AGBL1: variants seen among roughly 807,000 people sequenced by gnomAD.
AGBL1 encodes cytosolic carboxypeptidase 4.
Under a neutral mutation model 118.9 loss-of-function variants are expected in AGBL1, and 130 were observed. The observed-to-expected ratio is 1.09, with a 90% CI of 0.95 to 1.26. AGBL1 has a LOEUF of 1.26. AGBL1 is among the 50% of genes most tolerant of loss of function. AGBL1 has a pLI of 0.00. For missense variants in AGBL1, 1,584 were observed against 1,298.1 expected, an observed-to-expected ratio of 1.22 and a Z score of -3.38; for synonymous variants, 555 against 478.9, an observed-to-expected ratio of 1.16 and a Z score of -2.08.
rs142838729 is a variant in AGBL1, at chr15:86,764,345, A to G, written c.3158+89909A>G. ...GTAGTGAAAGTTTAAAAACAATGAC[A>G]GTATAGAAGCATGCTGTTGTCAGAT... On this transcript the variant is annotated intron_variant, in intron 22 of 22. Transcript: ENST00000614907. 4.6e-5 allele frequency among the ~76,000 whole-genome samples: 7 copies of G among 152,124 alleles called. No homozygotes were observed. In the East Asian group the frequency reaches 1.4e-3, roughly 30 times the overall value.
At chr15:86,667,260 A>G (rs947684960) in intron 21 of AGBL1, among the ~76,000 whole-genome samples, 2 of 151,186 alleles carry the variant, frequency 1.3e-5, no homozygotes, top group Admixed American at 1.3e-4. Flanking sequence ...GTATGTATCT[A>G]TCTATCTATC....
intron 21 of AGBL1, among the ~76,000 whole-genome samples, chr15:86,638,879 C>A (rs1168563094): frequency 6.6e-6 from 1 of 152,118 alleles, no homozygotes; most frequent in Non-Finnish European, 1.5e-5. Context: ...TCACAGGCTA[C>A]CATCCATGTG....
rs1316011070 is a variant in AGBL1, at chr15:86,915,940, C to T, written c.*8646C>T. The T allele has an allele frequency of 2.0e-5, 3 of 152,186 alleles. No homozygotes were observed. Among genetic ancestry groups the T allele is most frequent in the African/African-American group, 4.8e-5 (2 of 41,432 alleles). 9.4% of individuals were successfully genotyped at this position (152,186 alleles called of 1,614,324 possible). On this transcript the variant is annotated 3_prime_UTR_variant, in exon 23 of 23. Transcript: ENST00000614907. ...GTCCAGGAGAAACCTCCCTCAGCCC[C>T]GTTTGCGGTGCCTCCTGGTCGGTAA...
intron 22 of AGBL1, among the ~76,000 whole-genome samples, chr15:86,717,493 C>T (rs923140535): frequency 1.3e-5 from 2 of 152,070 alleles, no homozygotes; most frequent in East Asian, 1.9e-4. Flanking sequence ...AAGATAAGCA[C>T]ATTTAGTTCT....
At chr15:86,250,641 T>A (rs2078800366) in intron 7 of AGBL1, among the ~76,000 whole-genome samples, 1 of 150,168 alleles carries the variant, frequency 6.7e-6, no homozygotes, top group African/African-American at 2.5e-5. Flanking sequence ...ATTCTCCTGG[T>A]TTTTGGAAAA....
intron 17 of AGBL1, among the ~76,000 whole-genome samples, chr15:86,311,268 A>C (rs950399509): frequency 2.6e-5 from 4 of 152,180 alleles, no homozygotes; most frequent in Admixed American, 6.5e-5. Context: ...TGTTCAGAAT[A>C]GTTAGTCTAT....
chr15:86,170,200 A>T (rs80355399), intron 5 of AGBL1, among the ~76,000 whole-genome samples: 3 of 152,256 alleles, frequency 2.0e-5, no homozygotes, highest in Admixed American at 2.0e-4. Flanking sequence ...ACCTCTGGAG[A>T]TGAAATCTAC....
chr15:86,652,234 T>C (rs1022501211), intron 21 of AGBL1, among the ~76,000 whole-genome samples: 2 of 152,120 alleles, frequency 1.3e-5, no homozygotes, highest in Admixed American at 1.3e-4. Context: ...CATGTTCTCT[T>C]TCAACTCAAG....
intron 23 of AGBL1, among the ~76,000 whole-genome samples, chr15:86,940,172 G>A (rs372325604): frequency 4.4e-4 from 63 of 142,038 alleles, no homozygotes; most frequent in African/African-American, 1.6e-3. Flanking sequence ...GCCTCTCAAA[G>A]TGCTTACAGA....
At position 86,301,641 on chromosome 15, in the gene AGBL1, GGTGTGTGTGTGTGTGTGTGT is replaced by G. The variant is rs60282415; in HGVS notation, c.2374+6267_2374+6286del. ...TCACTGAGGTACTCATAATCTACAG[GGTGTGTGTGTGTGTGTGTGT>G]GTGTGTGTGTGTGTGTGTGTGTGTG... On this transcript the variant is annotated intron_variant, in intron 17 of 22. Coordinates refer to ENST00000614907, the MANE Select transcript of AGBL1 (RefSeq NM_001386094.1). Among the ~76,000 whole-genome samples the G allele has an allele frequency of 2.5e-3, 339 of 137,326 alleles. 2 individuals are homozygous for G. The highest frequency in any genetic ancestry group is 6.2e-3 in the South Asian group (24 of 3,888). The allele number at this position is 137,326 out of a possible 152,430, so 90.1% of individuals were successfully genotyped here.
intron 21 of AGBL1, among the ~76,000 whole-genome samples, chr15:86,626,920 C>G (rs1365749798): frequency 1.3e-5 from 2 of 150,988 alleles, no homozygotes; most frequent in African/African-American, 4.9e-5. Context: ...TCACTGCAAC[C>G]TCTGCCTCCC....
chr15:86,549,468 A>C (rs908684175), intron 20 of AGBL1, among the ~76,000 whole-genome samples: 9 of 152,200 alleles, frequency 5.9e-5, no homozygotes, highest in Non-Finnish European at 1.0e-4. Context: ...ACATTGCAGA[A>C]GAAAAAAGAA....
intron 1 of AGBL1, among the ~76,000 whole-genome samples, chr15:86,095,443 A>C (rs766764502): frequency 6.6e-6 from 1 of 152,042 alleles, no homozygotes; most frequent in Non-Finnish European, 1.5e-5. Context: ...TCTCATTAGC[A>C]TACAAAAAGA....
chr15:86,858,454 C>A (rs1172108779), intron 22 of AGBL1, among the ~76,000 whole-genome samples: 1 of 134,940 alleles, frequency 7.4e-6, no homozygotes, highest in Non-Finnish European at 1.6e-5. Flanking sequence ...CAGTTCACAC[C>A]TTTCAGGTGG....
intron 23 of AGBL1, among the ~76,000 whole-genome samples, chr15:86,961,504 T>A (rs2080992422): frequency 6.6e-6 from 1 of 152,008 alleles, no homozygotes; most frequent in Non-Finnish European, 1.5e-5. Flanking sequence ...GACCTGGGGC[T>A]TCATTGAGGT....
chr15:86,106,348 T>C (rs1897051543), intron 1 of AGBL1, among the ~76,000 whole-genome samples: 1 of 152,214 alleles, frequency 6.6e-6, no homozygotes, highest in African/African-American at 2.4e-5. Flanking sequence ...CATGATATTC[T>C]GGGGGAGCAT....
At chr15:86,678,103 T>A (rs1012809201) in intron 22 of AGBL1, among the ~76,000 whole-genome samples, 1 of 152,198 alleles carries the variant, frequency 6.6e-6, no homozygotes, top group Non-Finnish European at 1.5e-5. Context: ...AACCTATGTA[T>A]CACCCCACAA....
At chr15:86,515,442 C>G (rs923623499) in intron 18 of AGBL1, among the ~76,000 whole-genome samples, 2 of 152,008 alleles carry the variant, frequency 1.3e-5, no homozygotes, top group African/African-American at 4.8e-5. Flanking sequence ...TTGTCTTTAT[C>G]AGGAGTGGGT....
chr15:86,725,419 T>G lies in AGBL1; in HGVS notation c.3158+50983T>G, dbSNP rs1394736187. Among the ~76,000 whole-genome samples the G allele has an allele frequency of 5.3e-5, 8 of 150,334 alleles. No homozygotes were observed. In the South Asian group the frequency reaches 6.2e-4, roughly 12 times the overall value. Reference sequence around the variant, plus strand: ...AAAGGGATGGTTTAAAGGTAAGTAATTAATTCCTGGGAGGTCAGTTTAGCA... The same window carrying G: ...AAAGGGATGGTTTAAAGGTAAGTAAGTAATTCCTGGGAGGTCAGTTTAGCA... On this transcript the variant is annotated intron_variant, in intron 22 of 22. Coordinates refer to ENST00000614907, the MANE Select transcript of AGBL1 (RefSeq NM_001386094.1).
Sources: gnomAD v4.1 joint callset for allele counts (sites outside exome capture counted in the v4.1 genomes callset) on GRCh38, gnomAD v4.1.1 for gene constraint, MANE v1.5 for transcripts, NCBI Gene and HGNC (gene_info 2026-07-23, HGNC 2026-07-21) for gene names.